Variants in DDAH1 observed in about 807,000 individuals in gnomAD.
DDAH1 encodes the protein N(G),N(G)-dimethylarginine dimethylaminohydrolase 1.
Under a neutral mutation model 28.8 loss-of-function variants are expected in DDAH1, and 19 were observed. The ratio of observed to expected loss-of-function variants is 0.66; its 90% CI spans 0.46 to 0.97. The LOEUF (loss-of-function observed/expected upper bound fraction) is 0.97. DDAH1 is among the 50% of genes least tolerant of loss of function. DDAH1 has a pLI of 0.00. For synonymous variants in DDAH1, 153 were observed against 154.4 expected (o/e 0.99, Z 0.07); for missense variants, 326 against 375.9 (o/e 0.87, Z 1.10).
At position 85,321,575 on chromosome 1, in the gene DDAH1, T is replaced by G; in HGVS notation, c.742-7A>C. 6.3e-7 allele frequency: 1 copy of G among 1,592,756 alleles called. No homozygotes were observed. Among genetic ancestry groups the G allele is most frequent in the Non-Finnish European group, 8.6e-7 (1 of 1,160,766 alleles). ...CCTTCAGTTTCTCATAAACCTACAGTGGGAATCAAGGAAAAGGAAGAAAAG... is the reference window on the plus strand; with the variant it reads ...CCTTCAGTTTCTCATAAACCTACAGGGGGAATCAAGGAAAAGGAAGAAAAG... On this transcript the variant is annotated splice_region_variant and splice_polypyrimidine_tract_variant and intron_variant, in intron 5 of 5. Coordinates refer to ENST00000284031, the MANE Select transcript of DDAH1 (RefSeq NM_012137.4).
At chr1:85,578,049 G>A (rs1334590590) in exon 1 of DDAH1, 4 of 984,930 alleles carry the variant, frequency 4.1e-6, no homozygotes, top group African/African-American at 1.7e-5. Flanking sequence ...TCCCAGCGGA[G>A]GCGGCGAGAA....
At chr1:85,371,238 T>G (rs1444249298) in intron 1 of DDAH1, among the ~76,000 whole-genome samples, 1 of 152,206 alleles carries the variant, frequency 6.6e-6, no homozygotes, top group Admixed American at 6.5e-5. Flanking sequence ...TAATGAACTT[T>G]CCAGAGGTAA....
At chr1:85,506,600 A>G (rs1657026537) in intron 1 of DDAH1, among the ~76,000 whole-genome samples, 1 of 152,182 alleles carries the variant, frequency 6.6e-6, no homozygotes, top group African/African-American at 2.4e-5. Flanking sequence ...CCAGCCCTCT[A>G]TGCGGGCATT....
chr1:85,431,089 T>C (rs1201937040), intron 1 of DDAH1, among the ~76,000 whole-genome samples: 1 of 151,950 alleles, frequency 6.6e-6, no homozygotes, highest in Non-Finnish European at 1.5e-5. Flanking sequence ...TTATCGAGAG[T>C]TTTTAGCATG....
Position 85,503,354 on chromosome 1 carries a change from G to A in DDAH1, c.-122-7073C>T, listed in dbSNP as rs185630384. Among the ~76,000 whole-genome samples the A allele has an allele frequency of 1.1e-4, 17 of 152,140 alleles. No homozygotes were observed. The East Asian group carries it at 2.5e-3, about 23-fold the overall frequency. On this transcript the variant is annotated intron_variant, in intron 1 of 6. Transcript: ENST00000426972. ...TGAGTTGCTGAGATTACAGGTATGCGCCACCAGGCTAATTTTTTGTATTTT... is the reference window on the plus strand; with the variant it reads ...TGAGTTGCTGAGATTACAGGTATGCACCACCAGGCTAATTTTTTGTATTTT...
chr1:85,421,515 T>G (rs1257373750), intron 1 of DDAH1, among the ~76,000 whole-genome samples: 1 of 152,180 alleles, frequency 6.6e-6, no homozygotes, highest in Non-Finnish European at 1.5e-5. Context: ...GCTGTGAAGT[T>G]AATGGGTTTT....
chr1:85,574,889 C>A (rs56400661), intron 1 of DDAH1, among the ~76,000 whole-genome samples: 9,456 of 151,258 alleles, frequency 0.063, 374 homozygotes, highest in East Asian at 0.15. Context: ...CTCTCTCTCT[C>A]TCTATATATA....
chr1:85,476,476 C>G (rs756668573), intron 2 of DDAH1, among the ~76,000 whole-genome samples: 1 of 152,076 alleles, frequency 6.6e-6, no homozygotes, highest in Non-Finnish European at 1.5e-5. Flanking sequence ...CAGTGTTGTT[C>G]AGCCTGACCC....
intron 1 of DDAH1, among the ~76,000 whole-genome samples, chr1:85,433,207 C>A (rs1653780495): frequency 6.6e-6 from 1 of 151,994 alleles, no homozygotes; most frequent in Non-Finnish European, 1.5e-5. Context: ...GGCTGAGGTG[C>A]CAAGCAGAGT....
At chr1:85,546,794 TA>T (rs1171646151) in intron 1 of DDAH1, among the ~76,000 whole-genome samples, 3 of 151,644 alleles carry the variant, frequency 2.0e-5, no homozygotes, top group African/African-American at 4.8e-5. Flanking sequence ...AAAAAGCAAC[TA>T]AAAAAACTAC....
intron 1 of DDAH1, among the ~76,000 whole-genome samples, chr1:85,573,182 CTCAA>C (rs911577003): frequency 6.6e-5 from 10 of 152,216 alleles, no homozygotes; most frequent in African/African-American, 2.4e-4. Flanking sequence ...CTCCCTTACA[CTCAA>C]TCCCCAAGAC....
At chr1:85,325,068 T>C (rs1290806484) in intron 4 of DDAH1, among the ~76,000 whole-genome samples, 185 bp from the exon 5 acceptor site, 1 of 152,210 alleles carries the variant, frequency 6.6e-6, no homozygotes, top group African/African-American at 2.4e-5. Flanking sequence ...CTATGAGTCT[T>C]TGGAAGAATT....
chr1:85,556,908 G>C (rs1159970085), intron 1 of DDAH1, among the ~76,000 whole-genome samples: 1 of 152,174 alleles, frequency 6.6e-6, no homozygotes, highest in Non-Finnish European at 1.5e-5. Context: ...CCTGAGGTCA[G>C]GAGTTCTAGA....
At chr1:85,382,265 G>A (rs1278934324) in intron 1 of DDAH1, among the ~76,000 whole-genome samples, 1 of 152,216 alleles carries the variant, frequency 6.6e-6, no homozygotes, top group African/African-American at 2.4e-5. Context: ...GAAAGTTTTA[G>A]TGGTCTGGAT....
chr1:85,412,891 C>T (rs536522774), intron 1 of DDAH1, among the ~76,000 whole-genome samples: 136 of 152,208 alleles, frequency 8.9e-4, no homozygotes, highest in African/African-American at 3.2e-3. Flanking sequence ...GACCCATCTA[C>T]TTGGGAGACT....
chr1:85,465,226 G>GGCGCCGGCCCGC, upstream of DDAH1: 3 of 1,111,758 alleles, frequency 2.7e-6, no homozygotes, highest in Non-Finnish European at 3.3e-6. Context: ...CAGAGCTCCG[G>GGCGCCGGCCCGC]GCGCCGGCCC....
intron 2 of DDAH1, among the ~76,000 whole-genome samples, chr1:85,481,091 G>A (rs1361277772): frequency 1.1e-5 from 1 of 92,006 alleles, no homozygotes; most frequent in Non-Finnish European, 2.1e-5. Context: ...ATTTCTTTGG[G>A]TTTTTTGTTT....
intron 2 of DDAH1, chr1:85,493,629 T>A (rs925183641): frequency 6.6e-6 from 1 of 151,866 alleles, no homozygotes; most frequent in African/African-American, 2.4e-5. Flanking sequence ...TCCAAAAGAG[T>A]CAGTTCAGAA....
chr1:85,475,705 G>A (rs149898254), intron 2 of DDAH1, among the ~76,000 whole-genome samples: 36 of 152,156 alleles, frequency 2.4e-4, no homozygotes, highest in Non-Finnish European at 3.4e-4. Context: ...TCCATATATC[G>A]GGACCTGCAT....
Sources: gnomAD v4.1 joint callset for allele counts (sites outside exome capture counted in the v4.1 genomes callset) on GRCh38, gnomAD v4.1.1 for gene constraint, MANE v1.5 for transcripts, NCBI Gene and HGNC (gene_info 2026-07-23, HGNC 2026-07-21) for gene names.